PDE4A: variants seen among roughly 807,000 people sequenced by gnomAD.
The protein encoded by PDE4A is phosphodiesterase 4A, also known as 3',5'-cyclic-AMP phosphodiesterase 4A.
A neutral mutation model predicts 73.9 loss-of-function variants in PDE4A; 21 were observed. The observed-to-expected ratio is 0.28, with a 90% confidence interval of 0.20 to 0.41. PDE4A has a LOEUF of 0.41. PDE4A is among the 10% of genes least tolerant of loss of function. PDE4A has a pLI of 1.00. For synonymous variants in PDE4A, 463 were observed against 505.4 expected (o/e 0.92, Z 1.13); for missense variants, 958 against 1,211.4 (o/e 0.79, Z 3.10).
chr19:10,464,243 G>T (rs778728651), intron 14 of PDE4A, among the ~76,000 whole-genome samples: 1 of 151,842 alleles, frequency 6.6e-6, no homozygotes, highest in African/African-American at 2.4e-5. Context: ...GATTACAGGC[G>T]TGCACCACCA....
At chr19:10,446,900 C>T (rs1055076999) in intron 2 of PDE4A, among the ~76,000 whole-genome samples, 7 of 149,160 alleles carry the variant, frequency 4.7e-5, no homozygotes, top group African/African-American at 1.5e-4. Flanking sequence ...GGCCTCAGTT[C>T]CTTTTTTTTT....
chr19:10,467,225 C>T lies in PDE4A; in HGVS notation c.2265C>T (p.Ser755=), dbSNP rs201446903. 202 of 1,614,034 alleles carry T rather than the reference C, an allele frequency of 1.3e-4. No homozygotes were observed. The highest frequency in any genetic ancestry group is 3.3e-4 in the Middle Eastern group (2 of 6,084). ...ATGCAACCATAGCCTGGGAGGCATCCCCGGCCCAGGAGTCGTTGGAAGTTA... is the reference window on the plus strand; with the variant it reads ...ATGCAACCATAGCCTGGGAGGCATCTCCGGCCCAGGAGTCGTTGGAAGTTA... ...ALDATIAWEA[S]PAQESLEVMA... The change falls in exon 15 of 15, where the codon TCC becomes TCT. Residue 755 remains serine (S), a synonymous_variant. Transcript: ENST00000380702.
chr19:10,440,745 C>T (rs1480454353), intron 1 of PDE4A, among the ~76,000 whole-genome samples: 1 of 152,120 alleles, frequency 6.6e-6, no homozygotes, highest in African/African-American at 2.4e-5. Context: ...ATTACAGGCA[C>T]ATGGCACCAC....
At chr19:10,451,132 G>A (rs2043084475) in intron 6 of PDE4A, among the ~76,000 whole-genome samples, 191 bp downstream of exon 6, 1 of 152,092 alleles carries the variant, frequency 6.6e-6, no homozygotes, top group Non-Finnish European at 1.5e-5. Context: ...GGGGGCTGGT[G>A]GAGCTGGGCC....
chr19:10,419,148 A>G (rs2042615827), upstream of PDE4A: 1 of 908,186 alleles, frequency 1.1e-6, no homozygotes, highest in South Asian at 5.4e-5. Context: ...GGAGCCCGTG[A>G]CAGGGGGCGC....
chr19:10,417,753 G>T (rs768799404), upstream of PDE4A: 11 of 1,579,934 alleles, frequency 7.0e-6, no homozygotes, highest in South Asian at 1.3e-4. Context: ...TCCTGGCCTG[G>T]GCTGGGCCCA....
rs759456652 is a variant in PDE4A at position 10,467,470 on chromosome 19, C to T, written c.2510C>T (p.Pro837Leu). ...GTTTCAGAGCATGCCCCGGGCCTCCCGGGCCTCCCCTCCACGGCGGCCGAG... is the reference window on the plus strand; with the variant it reads ...GTTTCAGAGCATGCCCCGGGCCTCCTGGGCCTCCCCTCCACGGCGGCCGAG... Reference protein sequence around the residue: ...LSVSEHAPGLPGLPSTAAEVE... With the variant: ...LSVSEHAPGLLGLPSTAAEVE... Residue 837 changes from proline to leucine, a missense_variant, in exon 15 of 15, where the codon CCG becomes CTG. Around this residue, in one of 3 missense-constraint regions of PDE4A, gnomAD observed 243 missense variants for 245.9 expected, o/e 0.99. Transcript: ENST00000380702. 1.9e-5 allele frequency: 31 copies of T among 1,612,982 alleles called. No individual in the cohort carries two copies. Among genetic ancestry groups the T allele is most frequent in the African/African-American group, 6.7e-5 (5 of 74,924 alleles).
chr19:10,455,346 C>T (rs930073533), intron 7 of PDE4A, among the ~76,000 whole-genome samples: 3 of 151,956 alleles, frequency 2.0e-5, no homozygotes, highest in African/African-American at 7.3e-5. Flanking sequence ...TGCCTGTAAT[C>T]CCAGCAACTC....
At chr19:10,418,897 T>TG (rs35789387), upstream of PDE4A, 7,552 of 979,796 alleles carry the variant, frequency 7.7e-3, 57 homozygotes, top group African/African-American at 0.041. Flanking sequence ...GAGTGTGTAA[T>TG]GGGGGGGGTG....
chr19:10,446,212 C>T lies in PDE4A; in HGVS notation c.321-6C>T. ...CCTGACCCCTCTTCTCGCCCATCCCCTGCAGCTTCGAGGCAGAGAATGGGC... is the reference window on the plus strand; with the variant it reads ...CCTGACCCCTCTTCTCGCCCATCCCTTGCAGCTTCGAGGCAGAGAATGGGC... On this transcript the variant is annotated splice_region_variant and splice_polypyrimidine_tract_variant and intron_variant, in intron 1 of 14. Transcript: ENST00000380702. The T allele has an allele frequency of 6.4e-7, 1 of 1,559,540 alleles. No individual in the cohort carries two copies. The highest frequency in any genetic ancestry group is 8.7e-7 in the Non-Finnish European group (1 of 1,151,670).
At chr19:10,421,201 G>C (rs2042647121) in intron 1 of PDE4A, 117 bp downstream of exon 1, 14 of 1,333,868 alleles carry the variant, frequency 1.0e-5, no homozygotes, top group Admixed American at 4.1e-5. Flanking sequence ...GGCTGGCGGG[G>C]GCGGAGGGAA....
chr19:10,418,467 C>A (rs1288447664), upstream of PDE4A, among the ~76,000 whole-genome samples: 1 of 152,086 alleles, frequency 6.6e-6, no homozygotes, highest in Non-Finnish European at 1.5e-5. Context: ...CCCCCATGCC[C>A]TCCTCTGGTC....
chr19:10,440,791 G>A (rs2042926960), intron 1 of PDE4A, among the ~76,000 whole-genome samples: 2 of 151,840 alleles, frequency 1.3e-5, no homozygotes, highest in Non-Finnish European at 2.9e-5. Flanking sequence ...TAGAGACAGG[G>A]TTTTCACTGT....
intron 10 of PDE4A, 59 bp from the exon 11 acceptor site, chr19:10,460,945 G>A: frequency 6.5e-7 from 1 of 1,541,820 alleles, no homozygotes; most frequent in East Asian, 2.4e-5. Flanking sequence ...ACAAACAGGT[G>A]CTCACCACCA....
intron 1 of PDE4A, among the ~76,000 whole-genome samples, chr19:10,438,174 G>A (rs569019203): frequency 1.0e-4 from 15 of 150,680 alleles, no homozygotes; most frequent in South Asian, 4.2e-4. Flanking sequence ...GTGCAGTGGC[G>A]CAATCTCGGC....
chr19:10,444,171 G>A (rs1258000637), intron 1 of PDE4A, among the ~76,000 whole-genome samples: 1 of 151,680 alleles, frequency 6.6e-6, no homozygotes, highest in Non-Finnish European at 1.5e-5. Context: ...ACCTGAGGCT[G>A]GGAGTTTGAG....
chr19:10,426,734 G>A lies in PDE4A; in HGVS notation c.320+5650G>A, dbSNP rs116905496. 6.0e-3 allele frequency among the ~76,000 whole-genome samples: 917 copies of A among 152,020 alleles called. 4 individuals carry two copies. Among genetic ancestry groups the A allele is most frequent in the Non-Finnish European group, 0.01 (707 of 67,982 alleles). ...CTAAAAATACAAAAATTAGCTGGGCGCACGCCTGCAATCCCAGCTACTTGG... is the reference window on the plus strand; with the variant it reads ...CTAAAAATACAAAAATTAGCTGGGCACACGCCTGCAATCCCAGCTACTTGG... On this transcript the variant is annotated intron_variant, in intron 1 of 14. Coordinates refer to ENST00000380702, the MANE Select transcript of PDE4A (RefSeq NM_001111307.2).
At chr19:10,439,399 C>G (rs1036964178) in intron 1 of PDE4A, among the ~76,000 whole-genome samples, 1 of 152,114 alleles carries the variant, frequency 6.6e-6, no homozygotes, top group Non-Finnish European at 1.5e-5. Flanking sequence ...CCAGGCTGGT[C>G]TCGAACTCTG....
chr19:10,450,820 C>A lies in PDE4A; in HGVS notation c.671-9C>A. 1.2e-6 allele frequency: 2 copies of A among 1,603,038 alleles called. No homozygotes were observed. The highest frequency in any genetic ancestry group is 8.5e-7 in the Non-Finnish European group (1 of 1,175,058). On this transcript the variant is annotated splice_polypyrimidine_tract_variant and intron_variant, in intron 5 of 14. Transcript: ENST00000380702. ...TTCTCAGTCACTACCCTGGCTGCCC[C>A]TTCCTTAGAAGAAACGTGTCAGCAG...
Sources: gnomAD v4.1 joint callset for allele counts (sites outside exome capture counted in the v4.1 genomes callset) on GRCh38, gnomAD v4.1.1 for gene constraint, gnomAD v4.1.1 regional missense constraint, MANE v1.5 for transcripts, NCBI Gene and HGNC (gene_info 2026-07-23, HGNC 2026-07-21) for gene names.